PRKN: variants seen among roughly 807,000 people sequenced by gnomAD.
PRKN encodes parkin RBR E3 ubiquitin protein ligase.
PRKN carries 56 observed loss-of-function variants against 59.5 expected under a neutral mutation model. That is an observed-to-expected ratio of 0.94 (90% CI 0.76 to 1.18). The LOEUF (loss-of-function observed/expected upper bound fraction) is 1.18. Among genes scored for constraint, PRKN ranks in the 50% most tolerant of loss-of-function variants. The pLI is 0.00. For missense variants in PRKN, 657 were observed against 596.4 expected, an observed-to-expected ratio of 1.10 and a Z score of -1.06; for synonymous variants, 250 against 222.1, an observed-to-expected ratio of 1.13 and a Z score of -1.12.
At chr6:162,061,227 G>T (rs1231431356) in intron 4 of PRKN, among the ~76,000 whole-genome samples, 1 of 152,174 alleles carries the variant, frequency 6.6e-6, no homozygotes, top group African/African-American at 2.4e-5. Context: ...CACAGAGTGT[G>T]CATGAAGATT....
chr6:162,324,576 C>A (rs1272444976), intron 2 of PRKN, among the ~76,000 whole-genome samples: 1 of 152,106 alleles, frequency 6.6e-6, no homozygotes, highest in African/African-American at 2.4e-5. Flanking sequence ...TTGCTAAGCA[C>A]TGGCACAGGG....
At chr6:161,910,176 A>G (rs1778302516) in intron 6 of PRKN, among the ~76,000 whole-genome samples, 1 of 152,206 alleles carries the variant, frequency 6.6e-6, no homozygotes, top group Admixed American at 6.5e-5. Context: ...ATGAACAAAG[A>G]AAGTTGTTTC....
At chr6:162,726,448 T>C (rs559127567) in intron 1 of PRKN, among the ~76,000 whole-genome samples, 13 of 152,224 alleles carry the variant, frequency 8.5e-5, no homozygotes, top group African/African-American at 2.2e-4. Flanking sequence ...TTTTCGTAAT[T>C]TGATTAACTT....
At chr6:161,482,026 G>A (rs1455878609) in intron 9 of PRKN, among the ~76,000 whole-genome samples, 2 of 151,988 alleles carry the variant, frequency 1.3e-5, no homozygotes, top group African/African-American at 4.8e-5. Flanking sequence ...GGGGGAGACT[G>A]CAACAACATC....
intron 6 of PRKN, among the ~76,000 whole-genome samples, chr6:161,874,752 AAT>A (rs1491467671): frequency 9.2e-5 from 9 of 98,160 alleles, no homozygotes; most frequent in African/African-American, 2.7e-4. Flanking sequence ...TAAAATATAT[AAT>A]ATATATAAAA....
chr6:161,765,051 G>A (rs959464580), intron 7 of PRKN, among the ~76,000 whole-genome samples: 4 of 152,134 alleles, frequency 2.6e-5, no homozygotes, highest in Non-Finnish European at 4.4e-5. Flanking sequence ...ATGTAATTGG[G>A]TAATTTTCTG....
intron 2 of PRKN, among the ~76,000 whole-genome samples, chr6:162,326,702 T>C (rs917703347): frequency 6.6e-6 from 1 of 152,170 alleles, no homozygotes; most frequent in African/African-American, 2.4e-5. Flanking sequence ...AATCTCAGAA[T>C]TGAAAAAGCT....
In PRKN at chr6:161,582,102, A is replaced by C. The variant is rs1781360968; in HGVS notation, c.872-12686T>G. 6.6e-6 allele frequency among the ~76,000 whole-genome samples: 1 copy of C among 152,172 alleles called. No individual in the cohort carries two copies. Among genetic ancestry groups the C allele is most frequent in the Non-Finnish European group, 1.5e-5 (1 of 68,034 alleles). On this transcript the variant is annotated intron_variant, in intron 7 of 11. Transcript: ENST00000366898. This position sits in a 1 kb window ranked among gnomAD's most constrained non-coding sequence, Gnocchi z 4.4. ...TGGTGAATTTGGAATCATTGCTTTC[A>C]TCTACTGGTTTTTACCAAAGTGTAA...
chr6:162,410,772 T>G (rs1788317299), intron 2 of PRKN, among the ~76,000 whole-genome samples: 1 of 152,200 alleles, frequency 6.6e-6, no homozygotes, highest in Non-Finnish European at 1.5e-5. Flanking sequence ...ATCTTGGAGT[T>G]TGGCTTCTGT....
chr6:162,652,435 C>T (rs531196966), intron 1 of PRKN, among the ~76,000 whole-genome samples: 2 of 152,230 alleles, frequency 1.3e-5, no homozygotes, highest in Non-Finnish European at 2.9e-5. Context: ...ACCATAGTCT[C>T]TATCATTTCA....
At chr6:162,507,915 A>G (rs555295167) in intron 1 of PRKN, among the ~76,000 whole-genome samples, 4 of 152,338 alleles carry the variant, frequency 2.6e-5, no homozygotes, top group Admixed American at 2.0e-4. Context: ...TAGAACAGAA[A>G]AGGCTTGGGC....
At chr6:162,327,564 A>C (rs773290319) in intron 2 of PRKN, among the ~76,000 whole-genome samples, 22 of 144,150 alleles carry the variant, frequency 1.5e-4, no homozygotes, top group Non-Finnish European at 2.6e-4. Flanking sequence ...TGAAAATGTT[A>C]GGTCCTTGAC....
chr6:162,054,432 C>T (rs1291042061), intron 4 of PRKN, among the ~76,000 whole-genome samples: 2 of 152,194 alleles, frequency 1.3e-5, no homozygotes, highest in African/African-American at 4.8e-5. Flanking sequence ...TATAGCCTCC[C>T]CCTACGGCTG....
chr6:162,158,635 T>G (rs1462901934), intron 4 of PRKN, among the ~76,000 whole-genome samples: 1 of 151,960 alleles, frequency 6.6e-6, no homozygotes, highest in Non-Finnish European at 1.5e-5. Flanking sequence ...TTCACCATGT[T>G]GGCCAGTCTG....
chr6:161,677,208 T>C (rs1469475617), intron 7 of PRKN, among the ~76,000 whole-genome samples: 1 of 152,016 alleles, frequency 6.6e-6, no homozygotes, highest in Non-Finnish European at 1.5e-5. Context: ...GGATTATCTA[T>C]TTTCCGATCT....
At chr6:161,686,255 C>T (rs1222641841) in intron 7 of PRKN, among the ~76,000 whole-genome samples, 3 of 152,036 alleles carry the variant, frequency 2.0e-5, no homozygotes, top group East Asian at 1.9e-4. Flanking sequence ...AAGTGGATGC[C>T]TAGAGCACTT....
intron 6 of PRKN, among the ~76,000 whole-genome samples, chr6:161,869,266 C>G (rs1402022039): frequency 6.6e-6 from 1 of 152,024 alleles, no homozygotes; most frequent in African/African-American, 2.4e-5. Flanking sequence ...GTAATCCCAG[C>G]TACTCATGAG....
chr6:161,792,970 T>G (rs1486417788), intron 6 of PRKN, among the ~76,000 whole-genome samples: 1 of 152,192 alleles, frequency 6.6e-6, no homozygotes, highest in African/African-American at 2.4e-5. Context: ...TTGGCAAAAT[T>G]ACATACTAAT....
chr6:162,201,379 G>A, intron 3 of PRKN, 127 bp from the exon 4 acceptor site: 1 of 814,934 alleles, frequency 1.2e-6, no homozygotes, highest in Non-Finnish European at 2.1e-6. Context: ...AAACATTACT[G>A]GAATAAATAT....
Sources: gnomAD v4.1 joint callset for allele counts (sites outside exome capture counted in the v4.1 genomes callset) on GRCh38, gnomAD v4.1.1 for gene constraint, Gnocchi (gnomAD v3.1) non-coding constraint, MANE v1.5 for transcripts, NCBI Gene and HGNC (gene_info 2026-07-23, HGNC 2026-07-21) for gene names.